Variants in C2orf92 observed in about 807,000 individuals in gnomAD.
C2orf92 encodes uncharacterized protein C2orf92.
intron 3 of C2orf92, among the ~76,000 whole-genome samples, chr2:97,678,215 AAAAG>A (rs1432495138): frequency 6.6e-6 from 1 of 152,186 alleles, no homozygotes; most frequent in South Asian, 2.1e-4. Flanking sequence ...AATAAAAAAA[AAAAG>A]AAAGGATCAG....
At chr2:97,695,998 T>A (rs1327004706) in intron 5 of C2orf92, among the ~76,000 whole-genome samples, 1 of 152,122 alleles carries the variant, frequency 6.6e-6, no homozygotes, top group Non-Finnish European at 1.5e-5. Context: ...TCTTCCAGAT[T>A]CATTCTCTCA....
chr2:97,691,353 G>T (rs891754602), intron 5 of C2orf92, among the ~76,000 whole-genome samples: 1 of 152,180 alleles, frequency 6.6e-6, no homozygotes, highest in African/African-American at 2.4e-5. Context: ...CCGCTGGGGT[G>T]GTGGGGCTGG....
At chr2:97,695,974 G>C (rs540895659) in intron 5 of C2orf92, among the ~76,000 whole-genome samples, 1 of 152,088 alleles carries the variant, frequency 6.6e-6, no homozygotes, top group Non-Finnish European at 1.5e-5. Flanking sequence ...CCCCCATGAG[G>C]TTGCAGTCAA....
At chr2:97,689,525 T>C (rs536239919) in intron 4 of C2orf92, among the ~76,000 whole-genome samples, 1 of 152,258 alleles carries the variant, frequency 6.6e-6, no homozygotes, top group South Asian at 2.1e-4. Context: ...TGGGAAAAAT[T>C]TAGCACTTTG....
At chr2:97,679,773 G>T (rs1368799622) in intron 3 of C2orf92, among the ~76,000 whole-genome samples, 1 of 146,706 alleles carries the variant, frequency 6.8e-6, no homozygotes, top group African/African-American at 2.5e-5. Flanking sequence ...GGAGGCGGAG[G>T]TTGCCGTGAG....
intron 3 of C2orf92, among the ~76,000 whole-genome samples, chr2:97,683,538 T>TAAA (rs35099683): frequency 1.4e-5 from 2 of 138,364 alleles, no homozygotes; most frequent in African/African-American, 2.7e-5. Context: ...TGGTATCTAT[T>TAAA]AAAAAAAAAA....
intron 3 of C2orf92, chr2:97,677,418 G>C (rs1675620125): frequency 6.6e-6 from 1 of 152,198 alleles, no homozygotes; most frequent in Non-Finnish European, 1.5e-5. Flanking sequence ...TTTGGAGATA[G>C]ACACTTAAGG....
At chr2:97,682,779 A>C (rs1379521604) in intron 3 of C2orf92, among the ~76,000 whole-genome samples, 2 of 152,032 alleles carry the variant, frequency 1.3e-5, no homozygotes, top group Admixed American at 6.6e-5. Flanking sequence ...GAAAAAAAAA[A>C]CCAAAACACT....
chr2:97,674,116 G>A (rs538920494), intron 1 of C2orf92: 79 of 191,014 alleles, frequency 4.1e-4, no homozygotes, highest in African/African-American at 1.7e-3. Flanking sequence ...GCAGGAGGTC[G>A]GGAAAGGCCC....
chr2:97,664,025 C>T (rs182297241), upstream of C2orf92: 1,472 of 413,110 alleles, frequency 3.6e-3, 24 homozygotes, highest in African/African-American at 0.029. Context: ...GCAGCCTACG[C>T]GAGCCCCGCG....
chr2:97,668,375 A>C (rs1318150197), upstream of C2orf92: 1 of 152,230 alleles, frequency 6.6e-6, no homozygotes, highest in African/African-American at 2.4e-5. Flanking sequence ...AGTTAAAATG[A>C]AGTCATTAGG....
intron 3 of C2orf92, among the ~76,000 whole-genome samples, chr2:97,684,028 C>A (rs1675869705): frequency 7.7e-6 from 1 of 129,072 alleles, no homozygotes; most frequent in Non-Finnish European, 1.6e-5. Context: ...CCATGCCCAG[C>A]TAATTTTTTT....
chr2:97,669,924 A>AAC (rs1402099440), intron 1 of C2orf92, 90 bp downstream of exon 1: 1 of 398,082 alleles, frequency 2.5e-6, no homozygotes, highest in Non-Finnish European at 4.4e-6. Flanking sequence ...CAGTGTGGGG[A>AAC]ACACAGATGC....
intron 2 of C2orf92, chr2:97,675,563 T>A: frequency 9.2e-6 from 3 of 326,818 alleles, no homozygotes; most frequent in Admixed American, 9.8e-5. Context: ...TTCTACCCGT[T>A]TTCCTGTAGC....
chr2:97,683,426 C>T (rs1156551109), intron 3 of C2orf92, among the ~76,000 whole-genome samples: 1 of 151,620 alleles, frequency 6.6e-6, no homozygotes, highest in Non-Finnish European at 1.5e-5. Context: ...ATTGACCTGG[C>T]ATGATGGCTC....
chr2:97,701,386 T>G (rs555756680), intron 7 of C2orf92, 82 bp downstream of exon 7: 1 of 395,328 alleles, frequency 2.5e-6, no homozygotes, highest in African/African-American at 2.1e-5. Context: ...CCTGCTGATC[T>G]GGTTTACGAG....
rs1231633015 is a variant in C2orf92, at chr2:97,702,912, A to G, written c.*111A>G. Reference sequence around the variant, plus strand: ...TTTCTGCCCGGGAGGTGTATTCTACAAAAACGTCTGCTTCCCATCCCAATT... The same window carrying G: ...TTTCTGCCCGGGAGGTGTATTCTACGAAAACGTCTGCTTCCCATCCCAATT... On this transcript the variant is annotated 3_prime_UTR_variant, in exon 8 of 8. Coordinates refer to ENST00000627399, the MANE Select transcript of C2orf92 (RefSeq NM_001351368.2). 1.3e-5 allele frequency: 5 copies of G among 397,236 alleles called. No homozygotes were observed. The highest frequency in any genetic ancestry group is 4.4e-6 in the Non-Finnish European group (1 of 225,568). The allele number at this position is 397,236 out of a possible 1,614,324, so 24.6% of individuals were successfully genotyped here. A position where few individuals can be genotyped will look rare whatever the true frequency, so the allele number is the denominator to read the frequency against.
At position 97,698,802 on chromosome 2, in the gene C2orf92, G is replaced by GC. The variant is rs1425761201; in HGVS notation, c.404-222dup. Reference sequence around the variant, plus strand: ...TGCACGCTCGAGTGTAAGAAATGCTGCCTCAGCTATGGGTGGGTTGCCCAG... The same window carrying GC: ...TGCACGCTCGAGTGTAAGAAATGCTGCCCTCAGCTATGGGTGGGTTGCCCAG... On this transcript the variant is annotated intron_variant, in intron 5 of 7. Transcript: ENST00000627399. 2.6e-5 allele frequency among the ~76,000 whole-genome samples: 4 copies of GC among 152,316 alleles called. No homozygotes were observed. The East Asian group carries it at 7.7e-4, about 29-fold the overall frequency.
Position 97,675,773 on chromosome 2 carries a change from G to A in C2orf92, c.149-72G>A, listed in dbSNP as rs151189675. 248 of 398,902 alleles carry A rather than the reference G, an allele frequency of 6.2e-4. 1 individual carries two copies. Among genetic ancestry groups the A allele is most frequent in the African/African-American group, 4.6e-3 (222 of 48,776 alleles). The allele number at this position is 398,902 out of a possible 1,614,324, so 24.7% of individuals were successfully genotyped here. A position where few individuals can be genotyped will look rare whatever the true frequency, so the allele number is the denominator to read the frequency against. On this transcript the variant is annotated intron_variant, in intron 2 of 7. Coordinates refer to ENST00000627399, the MANE Select transcript of C2orf92 (RefSeq NM_001351368.2). The stretch of plus-strand genomic sequence containing the variant: ...TCACCTCAAAATCCCGTGCAGAAGA[G>A]TATCAATCTGAAGGGAACAGCTGCA...
Sources: gnomAD v4.1 joint callset for allele counts (sites outside exome capture counted in the v4.1 genomes callset) on GRCh38, gnomAD v4.1.1 for gene constraint, MANE v1.5 for transcripts, NCBI Gene and HGNC (gene_info 2026-07-23, HGNC 2026-07-21) for gene names.